Variants in POU2F1 observed in about 807,000 individuals in gnomAD.
The protein encoded by POU2F1 is POU domain, class 2, transcription factor 1.
In POU2F1, 16 loss-of-function variants were observed where a neutral mutation model predicts 84.9. The ratio of observed to expected loss-of-function variants is 0.19; its 90% confidence interval spans 0.13 to 0.29. The LOEUF (loss-of-function observed/expected upper bound fraction) is 0.29, where lower values mean the gene tolerates loss of function less well. Ranked by LOEUF, POU2F1 falls within the 10% of genes least tolerant of loss-of-function variation. The pLI is 1.00. For synonymous variants in POU2F1, 368 were observed against 368.3 expected, an observed-to-expected ratio of 1.00 and a Z score of 0.01; for missense variants, 738 against 942.6, an observed-to-expected ratio of 0.78 and a Z score of 2.84.
intron 9 of POU2F1, among the ~76,000 whole-genome samples, chr1:167,396,077 A>C (rs1648786709): frequency 6.6e-6 from 1 of 152,208 alleles, no homozygotes; most frequent in Non-Finnish European, 1.5e-5. Flanking sequence ...ACAGTATTGA[A>C]CATTGTAACG....
intron 1 of POU2F1, among the ~76,000 whole-genome samples, chr1:167,290,744 T>C (rs1653867685): frequency 6.6e-6 from 1 of 152,218 alleles, no homozygotes; most frequent in Admixed American, 6.5e-5. Context: ...ATTGATGACT[T>C]TTTAAAAAGT....
At chr1:167,221,311 TCCGCGGCGGGG>T (rs1006640182) in intron 1 of POU2F1, among the ~76,000 whole-genome samples, 21 of 150,040 alleles carry the variant, frequency 1.4e-4, no homozygotes, top group Middle Eastern at 3.5e-3. Flanking sequence ...CCCGAGCGGG[TCCGCGGCGGGG>T]CGGCGGGGCC....
chr1:167,236,375 A>T (rs1371306692), intron 1 of POU2F1, among the ~76,000 whole-genome samples: 1 of 152,204 alleles, frequency 6.6e-6, no homozygotes, highest in Non-Finnish European at 1.5e-5. Context: ...TGCTGGGATT[A>T]CAGACATGAG....
At chr1:167,374,447 C>A in intron 6 of POU2F1, 151 bp downstream of exon 6, 1 of 642,598 alleles carries the variant, frequency 1.6e-6, no homozygotes. Flanking sequence ...CCTTCCTTAC[C>A]ACTGAATTAG....
At chr1:167,352,472 T>C (rs1658643885) in intron 2 of POU2F1, among the ~76,000 whole-genome samples, 1 of 152,166 alleles carries the variant, frequency 6.6e-6, no homozygotes, top group Admixed American at 6.5e-5. Flanking sequence ...AGCATTGAAT[T>C]GGAGTCCTTC....
chr1:167,336,587 T>C (rs1657462968), intron 2 of POU2F1, among the ~76,000 whole-genome samples: 1 of 152,172 alleles, frequency 6.6e-6, no homozygotes, highest in Admixed American at 6.5e-5. Context: ...AGGTCTGCAG[T>C]TATAGTTGCC....
intron 6 of POU2F1, among the ~76,000 whole-genome samples, chr1:167,374,898 T>G (rs1660226545): frequency 6.6e-6 from 1 of 152,074 alleles, no homozygotes; most frequent in Non-Finnish European, 1.5e-5. Context: ...AAACCCCATC[T>G]CTACTAAAAA....
chr1:167,330,975 C>G (rs1657048835), intron 1 of POU2F1, among the ~76,000 whole-genome samples: 1 of 151,992 alleles, frequency 6.6e-6, no homozygotes, highest in South Asian at 2.1e-4. Flanking sequence ...TGTTGACTTT[C>G]ATGAGATTTT....
chr1:167,380,189 G>C (rs1414700475), intron 7 of POU2F1: 1 of 152,192 alleles, frequency 6.6e-6, no homozygotes. Flanking sequence ...CCACTTACCT[G>C]TGTGTCCTGG....
intron 1 of POU2F1, among the ~76,000 whole-genome samples, chr1:167,245,141 C>G (rs985201176): frequency 1.3e-5 from 2 of 151,930 alleles, no homozygotes; most frequent in Non-Finnish European, 2.9e-5. Context: ...TGTATGTTAC[C>G]TTATGGGAAA....
chr1:167,303,600 TATTA>T (rs1435627539), intron 1 of POU2F1: 4 of 153,360 alleles, frequency 2.6e-5, no homozygotes, highest in South Asian at 4.1e-4. Context: ...TAAATAAAGC[TATTA>T]ATTTAGTAGC....
At chr1:167,253,443 G>GT (rs1650890864) in intron 1 of POU2F1, among the ~76,000 whole-genome samples, 1 of 146,884 alleles carries the variant, frequency 6.8e-6, no homozygotes, top group African/African-American at 2.6e-5. Flanking sequence ...GGTTTTTTGG[G>GT]TTTTTTTGGT....
At chr1:167,277,948 C>A (rs1216591531) in intron 1 of POU2F1, among the ~76,000 whole-genome samples, 1 of 152,196 alleles carries the variant, frequency 6.6e-6, no homozygotes, top group Non-Finnish European at 1.5e-5. Flanking sequence ...CTCCCCCTTG[C>A]AGCACAATAG....
intron 1 of POU2F1, among the ~76,000 whole-genome samples, chr1:167,254,748 C>G (rs1393403410): frequency 6.6e-6 from 1 of 152,150 alleles, no homozygotes; most frequent in African/African-American, 2.4e-5. Flanking sequence ...TTGTTCGTTT[C>G]TCTATCCCTC....
intron 4 of POU2F1, 121 bp downstream of exon 4, chr1:167,370,335 A>T (rs1051413125): frequency 2.8e-6 from 2 of 718,846 alleles, no homozygotes; most frequent in Non-Finnish European, 4.1e-6. Context: ...AAAATTAGTG[A>T]ATCTCGTGAA....
At chr1:167,298,574 CT>C (rs1199579579) in intron 1 of POU2F1, among the ~76,000 whole-genome samples, 1 of 151,896 alleles carries the variant, frequency 6.6e-6, no homozygotes, top group African/African-American at 2.4e-5. Flanking sequence ...AAACACTTCC[CT>C]TTGAATTTCC....
At chr1:167,267,735 A>G (rs1358744731) in intron 1 of POU2F1, among the ~76,000 whole-genome samples, 2 of 129,442 alleles carry the variant, frequency 1.5e-5, no homozygotes, top group Admixed American at 1.0e-4. Flanking sequence ...TCCGCCTCCC[A>G]GGTTCATGCC....
intron 7 of POU2F1, among the ~76,000 whole-genome samples, chr1:167,381,707 T>C (rs1647571179): frequency 6.8e-6 from 1 of 147,384 alleles, no homozygotes; most frequent in African/African-American, 2.5e-5. Flanking sequence ...GCCTCCTGGG[T>C]TCAAGCAATT....
intron 2 of POU2F1, among the ~76,000 whole-genome samples, chr1:167,337,132 C>T (rs1657518858): frequency 6.7e-6 from 1 of 149,806 alleles, no homozygotes; most frequent in Non-Finnish European, 1.5e-5. Flanking sequence ...CATTGCACTC[C>T]AGCCTGGGCA....
Sources: gnomAD v4.1 joint callset for allele counts (sites outside exome capture counted in the v4.1 genomes callset) on GRCh38, gnomAD v4.1.1 for gene constraint, MANE v1.5 for transcripts, NCBI Gene and HGNC (gene_info 2026-07-23, HGNC 2026-07-21) for gene names.